The following DNAH8 variants were observed in gnomAD, a reference collection of about 807,000 sequenced individuals.
DNAH8 encodes the protein dynein axonemal heavy chain 8, also known as axonemal beta dynein heavy chain 8.
Under a neutral mutation model 562.1 loss-of-function variants are expected in DNAH8, and 382 were observed. The observed-to-expected ratio is 0.68, with a 90% confidence interval of 0.63 to 0.74. DNAH8 has a LOEUF of 0.74. DNAH8 is among the 30% of genes least tolerant of loss of function. The pLI is 0.00. For missense variants in DNAH8, 5,203 were observed against 5,620.4 expected (o/e 0.93, Z 2.37); for synonymous variants, 1,881 against 1,919.4 (o/e 0.98, Z 0.52).
chr6:38,999,661 G>A (rs1765352588), intron 88 of DNAH8, among the ~76,000 whole-genome samples: 1 of 151,870 alleles, frequency 6.6e-6, no homozygotes. Context: ...GTTTTTAAAA[G>A]TCATATAAAG....
Position 38,938,335 on chromosome 6 carries a change from C to T in DNAH8, c.11816+109C>T, listed in dbSNP as rs923420799. The T allele has an allele frequency of 4.7e-6, 6 of 1,284,700 alleles. No homozygotes were observed. In the African/African-American group the frequency reaches 7.4e-5, roughly 16 times the overall value. The allele number at this position is 1,284,700 out of a possible 1,614,324, so 79.6% of individuals were successfully genotyped here. ...ATTCACAATAGCAAAGACATGGAAT[C>T]AACCTAAATGCCCATCAACAGTAGA... On this transcript the variant is annotated intron_variant, in intron 78 of 92. Coordinates refer to ENST00000327475, the MANE Select transcript of DNAH8 (RefSeq NM_001206927.2).
Position 38,790,367 on chromosome 6 carries a change from G to T in DNAH8, c.2743G>T (p.Glu915Ter). Reference sequence around the variant, plus strand: ...ACTGGAAAGCTTCTTTCAAGAAGTCGAATTAGTTTTGGATATGTTCAATCA... The same window carrying T: ...ACTGGAAAGCTTCTTTCAAGAAGTCTAATTAGTTTTGGATATGTTCAATCA... ...LTLESFFQEV[E>*]LVLDMFNQLL... is the part of the protein sequence containing the mutation. Residue 915 changes from glutamate to a stop codon, truncating the protein, a stop_gained, in exon 20 of 93, where the codon GAA (glutamate) becomes TAA (stop). Coordinates refer to ENST00000327475, the MANE Select transcript of DNAH8 (RefSeq NM_001206927.2). LOFTEE classifies it high-confidence loss of function. 1 of 1,605,736 alleles carries T rather than the reference G, an allele frequency of 6.2e-7. No homozygotes were observed. Among genetic ancestry groups the T allele is most frequent in the Non-Finnish European group, 8.5e-7 (1 of 1,176,246 alleles).
chr6:38,932,785 C>A (rs1303018455), intron 76 of DNAH8: 1 of 152,114 alleles, frequency 6.6e-6, no homozygotes, highest in Non-Finnish European at 1.5e-5. Flanking sequence ...GATGTGAATC[C>A]AGGGTCCCAA....
In DNAH8 at chr6:38,917,372, C is replaced by A; in HGVS notation, c.10274C>A (p.Ser3425Tyr). The A allele has an allele frequency of 1.2e-6, 2 of 1,613,590 alleles. No individual in the cohort carries two copies. The highest frequency in any genetic ancestry group is 1.7e-6 in the Non-Finnish European group (2 of 1,179,644). ...IDPVTMDPEK[S>Y]CCKPSWGESL... ...CCTGTTACTATGGATCCAGAAAAAT[C>A]TTGCTGTAAGCCATCATGGGGAGAG... is the stretch of plus-strand genomic sequence containing the variant. Residue 3425 changes from serine to tyrosine, a missense_variant, in exon 69 of 93, where the codon TCT becomes TAT. Around this residue, in one of 6 missense-constraint regions of DNAH8, gnomAD observed 87 missense variants for 144.9 expected, o/e 0.60. Transcript: ENST00000327475.
chr6:38,851,294 C>T (rs145174820), intron 38 of DNAH8, among the ~76,000 whole-genome samples: 1 of 152,216 alleles, frequency 6.6e-6, no homozygotes, highest in East Asian at 1.9e-4. Flanking sequence ...ATGAGCTTTC[C>T]AGCAGTCTCA....
chr6:38,731,795 G>A (rs957532484), intron 4 of DNAH8, among the ~76,000 whole-genome samples: 16 of 152,108 alleles, frequency 1.1e-4, no homozygotes, highest in Non-Finnish European at 1.9e-4. Flanking sequence ...GCTCACTGCA[G>A]CCTCCGCCTC....
At chr6:38,921,308 C>G in intron 70 of DNAH8, 61 bp from the exon 71 acceptor site, 2 of 1,561,920 alleles carry the variant, frequency 1.3e-6, no homozygotes, top group Non-Finnish European at 8.7e-7. Flanking sequence ...GTGTTATCTA[C>G]CAGTTACAAT....
intron 85 of DNAH8, among the ~76,000 whole-genome samples, chr6:38,978,247 G>A (rs760050420): frequency 1.3e-5 from 2 of 152,002 alleles, no homozygotes; most frequent in African/African-American, 2.4e-5. Flanking sequence ...AAATTCTATC[G>A]TGGCCCTTAA....
At chr6:38,828,382 A>G (rs1242957972) in intron 30 of DNAH8, 94 bp downstream of exon 30, 5 of 628,564 alleles carry the variant, frequency 8.0e-6, no homozygotes, top group African/African-American at 5.7e-5. Context: ...ATATACAGTC[A>G]TGTGCCACAT....
At chr6:38,759,369 A>G (rs1452891886) in intron 10 of DNAH8, among the ~76,000 whole-genome samples, 1 of 152,188 alleles carries the variant, frequency 6.6e-6, no homozygotes. Flanking sequence ...ACCCACATGA[A>G]TAGAATTTAT....
intron 41 of DNAH8, among the ~76,000 whole-genome samples, chr6:38,855,419 C>A (rs948963991): frequency 4.6e-5 from 7 of 152,142 alleles, no homozygotes; most frequent in Non-Finnish European, 2.9e-5. Context: ...CATATTTCTA[C>A]CACCTGGAAA....
At chr6:38,950,970 C>T (rs758158208) in intron 81 of DNAH8, among the ~76,000 whole-genome samples, 6 of 152,018 alleles carry the variant, frequency 3.9e-5, no homozygotes, top group Non-Finnish European at 7.4e-5. Context: ...GCTTGCTGAC[C>T]CACTTACTTT....
rs78898007 is a variant in DNAH8 at position 38,936,630 on chromosome 6, C to T, written c.11563+933C>T. 2.7e-3 allele frequency among the ~76,000 whole-genome samples: 417 copies of T among 152,256 alleles called. 10 individuals are homozygous for T. In the East Asian group the frequency reaches 0.051, roughly 19 times the overall value. ...TTTATCTGCCTACTCGCACTGCTCC[C>T]GCTAGTGAAGTTGTCTGTTTCTTGG... On this transcript the variant is annotated intron_variant, in intron 77 of 92. Coordinates refer to ENST00000327475, the MANE Select transcript of DNAH8 (RefSeq NM_001206927.2).
chr6:38,820,099 G>A (rs1772687644), intron 26 of DNAH8, among the ~76,000 whole-genome samples: 1 of 152,124 alleles, frequency 6.6e-6, no homozygotes, highest in African/African-American at 2.4e-5. Context: ...TTATATAGAA[G>A]TGAAAAGAGT....
At chr6:38,861,071 C>T (rs971078052) in intron 43 of DNAH8, among the ~76,000 whole-genome samples, 1 of 149,622 alleles carries the variant, frequency 6.7e-6, no homozygotes, top group Non-Finnish European at 1.5e-5. Flanking sequence ...CATTATATGA[C>T]ACTAGGCAAT....
At position 38,872,603 on chromosome 6, in the gene DNAH8, C is replaced by A. The variant is rs774857869; in HGVS notation, c.7058C>A (p.Thr2353Asn). ...GGGCCCAGTGGTTCTGGAAAGACAA[C>A]CGTTATCACGATTCTAATGAAGGCG... ...TLGPSGSGKT[T>N]VITILMKAQT... Residue 2353 changes from threonine (T) to asparagine (N), a missense_variant, in exon 50 of 93, where the codon ACC becomes AAC. Physicochemically the swap from Thr to Asn is moderately conservative, Grantham distance 65. Transcript: ENST00000327475. 60 of 1,613,926 alleles carry A rather than the reference C, an allele frequency of 3.7e-5. No individual in the cohort carries two copies. The highest frequency in any genetic ancestry group is 5.1e-5 in the Non-Finnish European group (60 of 1,179,964).
At chr6:38,907,852 G>C in intron 63 of DNAH8, 104 bp from the exon 64 acceptor site, 2 of 1,023,054 alleles carry the variant, frequency 2.0e-6, no homozygotes, top group Non-Finnish European at 2.7e-6. Flanking sequence ...AAGAAAATAT[G>C]AAACAAGATG....
intron 45 of DNAH8, among the ~76,000 whole-genome samples, chr6:38,865,658 A>G (rs754816558): frequency 2.0e-5 from 3 of 152,198 alleles, no homozygotes; most frequent in South Asian, 2.1e-4. Flanking sequence ...TATTTAGTAC[A>G]GTGTGCCCCT....
chr6:38,788,145 G>A (rs946908483), intron 18 of DNAH8, among the ~76,000 whole-genome samples: 1 of 125,670 alleles, frequency 8.0e-6, no homozygotes, highest in Non-Finnish European at 1.7e-5. Flanking sequence ...ATAAATTTCA[G>A]ACTTTTCCTG....
Sources: allele counts gnomAD v4.1 joint callset (sites outside exome capture counted in the v4.1 genomes callset), GRCh38; gene constraint gnomAD v4.1.1; regional missense constraint gnomAD v4.1.1; transcripts MANE v1.5; gene names NCBI Gene and HGNC (gene_info 2026-07-23, HGNC 2026-07-21).